C4orf51: variants seen among roughly 807,000 people sequenced by gnomAD.
The protein encoded by C4orf51 is uncharacterized protein C4orf51.
C4orf51 carries 25 observed loss-of-function variants against 25.2 expected under a neutral mutation model. The ratio of observed to expected loss-of-function variants is 0.99; its 90% CI spans 0.72 to 1.39. The LOEUF is 1.39. Among genes scored for constraint, C4orf51 ranks in the 40% most tolerant of loss-of-function variants. C4orf51 has a pLI of 0.00. For synonymous variants in C4orf51, 100 were observed against 84.5 expected, an observed-to-expected ratio of 1.18 and a Z score of -1.01; for missense variants, 252 against 239.6, an observed-to-expected ratio of 1.05 and a Z score of -0.34.
chr4:145,693,609 C>T, intron 1 of C4orf51, among the ~76,000 whole-genome samples: 1 of 145,456 alleles, frequency 6.9e-6, no homozygotes. Context: ...GTAGGGGCGG[C>T]CGGGCAGAGG....
chr4:145,693,738 C>A (rs578226891), intron 1 of C4orf51, among the ~76,000 whole-genome samples: 4 of 71,884 alleles, frequency 5.6e-5, no homozygotes, highest in East Asian at 3.9e-4. Flanking sequence ...CCCTCCCGGA[C>A]GGGGCGGCTG....
At chr4:145,774,510 G>C (rs764678932), downstream of C4orf51, 1 of 1,610,068 alleles carries the variant, frequency 6.2e-7, no homozygotes, top group Non-Finnish European at 8.5e-7. Context: ...GGTCACCTGT[G>C]TGCTTGGTGC....
chr4:145,772,136 T>A (rs1348988900), downstream of C4orf51, among the ~76,000 whole-genome samples: 1 of 152,204 alleles, frequency 6.6e-6, no homozygotes, highest in Non-Finnish European at 1.5e-5. Flanking sequence ...AAGGGCCACA[T>A]CTGAATAGTT....
downstream of C4orf51, among the ~76,000 whole-genome samples, chr4:145,757,295 G>T (rs1734019478): frequency 6.6e-6 from 1 of 152,162 alleles, no homozygotes; most frequent in Non-Finnish European, 1.5e-5. Context: ...TGGCTATGGG[G>T]TCAATGAAAT....
chr4:145,747,050 A>G (rs150638901), intron 1 of C4orf51, among the ~76,000 whole-genome samples: 2,243 of 152,062 alleles, frequency 0.015, 53 homozygotes, highest in African/African-American at 0.052. Context: ...TTGTACGTTG[A>G]TTTTGTATTC....
chr4:145,698,212 A>G (rs1156588863), intron 2 of C4orf51, among the ~76,000 whole-genome samples: 1 of 152,226 alleles, frequency 6.6e-6, no homozygotes, highest in Admixed American at 6.5e-5. Context: ...CACCAAAAGT[A>G]TCTGAGACAG....
downstream of C4orf51, among the ~76,000 whole-genome samples, chr4:145,736,765 T>C (rs996480382): frequency 6.6e-6 from 1 of 152,176 alleles, no homozygotes; most frequent in African/African-American, 2.4e-5. Flanking sequence ...GCTGCTCTTT[T>C]TCTGGCACAC....
intron 2 of C4orf51, among the ~76,000 whole-genome samples, chr4:145,709,921 TG>T (rs1261764938): frequency 6.6e-6 from 1 of 152,098 alleles, no homozygotes; most frequent in Non-Finnish European, 1.5e-5. Flanking sequence ...GGAATCATTC[TG>T]GGGGTTGGTT....
chr4:145,683,473 G>C (rs1728955203), intron 1 of C4orf51, among the ~76,000 whole-genome samples: 1 of 152,272 alleles, frequency 6.6e-6, no homozygotes, highest in South Asian at 2.1e-4. Flanking sequence ...ACATAGAGTT[G>C]GAGGACTGAC....
intron 2 of C4orf51, among the ~76,000 whole-genome samples, chr4:145,725,149 C>A (rs1426426020): frequency 6.6e-6 from 1 of 151,364 alleles, no homozygotes; most frequent in Non-Finnish European, 1.5e-5. Context: ...ACTCATGTAA[C>A]CAAACACCGC....
At chr4:145,784,791 G>T in the C4orf51 span, among the ~76,000 whole-genome samples, 2 of 152,006 alleles carry the variant, frequency 1.3e-5, no homozygotes, top group East Asian at 3.8e-4. Context: ...ATTTTACATA[G>T]CTTGAATGTA....
chr4:145,784,475 TC>T, the C4orf51 span, among the ~76,000 whole-genome samples: 1 of 152,156 alleles, frequency 6.6e-6, no homozygotes, highest in Non-Finnish European at 1.5e-5. Context: ...AAATCCCCCA[TC>T]CTGTGAAGAA....
At chr4:145,739,863 A>G (rs1018287000) in intron 1 of C4orf51, among the ~76,000 whole-genome samples, 2 of 152,176 alleles carry the variant, frequency 1.3e-5, no homozygotes, top group African/African-American at 4.8e-5. Context: ...TAGTTGTTAG[A>G]TGCTGCTACT....
At chr4:145,710,134 A>G (rs1158743339) in intron 2 of C4orf51, among the ~76,000 whole-genome samples, 1 of 152,230 alleles carries the variant, frequency 6.6e-6, no homozygotes. Flanking sequence ...TCATGGCACC[A>G]AAGTATGTTA....
At chr4:145,766,645 G>A (rs1445903674) in intron 1 of C4orf51, among the ~76,000 whole-genome samples, 1 of 152,112 alleles carries the variant, frequency 6.6e-6, no homozygotes, top group Non-Finnish European at 1.5e-5. Flanking sequence ...GACACAGAGA[G>A]GGTCCCCCTT....
At chr4:145,700,074 A>G (rs1730329157) in intron 2 of C4orf51, among the ~76,000 whole-genome samples, 1 of 146,644 alleles carries the variant, frequency 6.8e-6, no homozygotes, top group African/African-American at 2.5e-5. Flanking sequence ...CCATGCCCCA[A>G]CCTCTTATCT....
At chr4:145,750,421 T>G (rs1005875079) in intron 1 of C4orf51, among the ~76,000 whole-genome samples, 7 of 151,142 alleles carry the variant, frequency 4.6e-5, no homozygotes, top group East Asian at 3.9e-4. Flanking sequence ...AGTTTTTTTT[T>G]TTTTTTTTTT....
At chr4:145,738,713 C>G (rs922973936) in intron 1 of C4orf51, among the ~76,000 whole-genome samples, 2 of 151,918 alleles carry the variant, frequency 1.3e-5, no homozygotes, top group East Asian at 3.9e-4. Context: ...GATCTCAGCT[C>G]ACTGCAACCT....
chr4:145,722,586 C>G (rs1219008341), intron 2 of C4orf51, among the ~76,000 whole-genome samples: 1 of 152,194 alleles, frequency 6.6e-6, no homozygotes, highest in African/African-American at 2.4e-5. Context: ...TAACACATCT[C>G]TCTTTAAGAC....
Sources: gnomAD v4.1 joint callset for allele counts (sites outside exome capture counted in the v4.1 genomes callset) on GRCh38, gnomAD v4.1.1 for gene constraint, MANE v1.5 for transcripts, NCBI Gene and HGNC (gene_info 2026-07-23, HGNC 2026-07-21) for gene names.